SLC30A9: variants seen among roughly 807,000 people sequenced by gnomAD.
The protein encoded by SLC30A9 is proton-coupled zinc antiporter SLC30A9, mitochondrial.
A neutral mutation model predicts 87.5 loss-of-function variants in SLC30A9; 58 were observed. That is an observed-to-expected ratio of 0.66 (90% CI 0.54 to 0.82). The LOEUF (loss-of-function observed/expected upper bound fraction) is 0.82. SLC30A9 is among the 40% of genes least tolerant of loss of function. SLC30A9 has a pLI of 0.00. For missense variants in SLC30A9, 557 were observed against 679.1 expected (o/e 0.82, Z 2.00); for synonymous variants, 234 against 233.0 (o/e 1.00, Z -0.04).
In SLC30A9 at chr4:42,066,130, A is replaced by G. The variant is rs867049497; in HGVS notation, c.1073-420A>G. On this transcript the variant is annotated intron_variant, in intron 12 of 17. Coordinates refer to ENST00000264451, the MANE Select transcript of SLC30A9 (RefSeq NM_006345.4). ...TACTTCTGAAACATTGTAACTTTCTATGTATAATGTTCCCTTCATCTATTT... is the reference window on the plus strand; with the variant it reads ...TACTTCTGAAACATTGTAACTTTCTGTGTATAATGTTCCCTTCATCTATTT... Among the ~76,000 whole-genome samples, 71 of 152,280 alleles carry G rather than the reference A, an allele frequency of 4.7e-4. No individual in the cohort carries two copies. The Middle Eastern group carries it at 0.017, about 36-fold the overall frequency.
chr4:42,072,874 C>T (rs1345951469), intron 15 of SLC30A9, among the ~76,000 whole-genome samples: 1 of 148,334 alleles, frequency 6.7e-6, no homozygotes, highest in Non-Finnish European at 1.5e-5. Context: ...AGTGCAGTGG[C>T]ACGATCTTGG....
chr4:42,084,621 G>A (rs530759760), intron 17 of SLC30A9, among the ~76,000 whole-genome samples: 4 of 152,238 alleles, frequency 2.6e-5, no homozygotes, highest in South Asian at 2.1e-4. Context: ...ACAGGCATGC[G>A]CCACTATGCC....
intron 16 of SLC30A9, among the ~76,000 whole-genome samples, chr4:42,077,384 G>GA (rs1479803951): frequency 6.6e-6 from 1 of 152,074 alleles, no homozygotes; most frequent in Non-Finnish European, 1.5e-5. Context: ...TTATAGATTT[G>GA]AAAGGTCTTT....
At position 42,070,665 on chromosome 4, in the gene SLC30A9, A is replaced by C; in HGVS notation, c.1392A>C (p.Glu464Asp). 6.2e-7 allele frequency: 1 copy of C among 1,613,764 alleles called. No individual in the cohort carries two copies. The highest frequency in any genetic ancestry group is 8.5e-7 in the Non-Finnish European group (1 of 1,179,840). ...IQPEQVQRLTELLENDPSVRA... is the reference protein window; with the variant it reads ...IQPEQVQRLTDLLENDPSVRA... ...CAGAACAAGTACAACGGCTCACTGA[A>C]CTCCTGGAGAATGACCCATCAGTAA... Residue 464 changes from glutamate (E) to aspartate (D), a missense_variant, in exon 15 of 18, where the codon GAA (glutamate) becomes GAC (aspartate). This residue lies in a region of SLC30A9 where 90 missense variants were observed against 149.4 expected (regional missense o/e 0.60). Coordinates refer to ENST00000264451, the MANE Select transcript of SLC30A9 (RefSeq NM_006345.4).
intron 2 of SLC30A9, among the ~76,000 whole-genome samples, chr4:42,003,969 A>G (rs1382526647): frequency 6.6e-6 from 1 of 152,010 alleles, no homozygotes; most frequent in African/African-American, 2.4e-5. Context: ...TTTTCTGTCT[A>G]TTCTGCTCTT....
intron 10 of SLC30A9, among the ~76,000 whole-genome samples, chr4:42,061,085 A>G (rs1717833862): frequency 6.6e-6 from 1 of 152,186 alleles, no homozygotes; most frequent in Non-Finnish European, 1.5e-5. Context: ...TTTATGTACA[A>G]AAGATTTAAA....
At chr4:42,046,829 A>G (rs1451225511) in intron 8 of SLC30A9, among the ~76,000 whole-genome samples, 5 of 152,216 alleles carry the variant, frequency 3.3e-5, no homozygotes, top group African/African-American at 9.6e-5. Flanking sequence ...CCTGACTTCA[A>G]ACTATACTAC....
chr4:42,021,707 GAGGGATGAT>G (rs1245485315), intron 4 of SLC30A9, among the ~76,000 whole-genome samples: 3 of 151,928 alleles, frequency 2.0e-5, no homozygotes, highest in Admixed American at 2.0e-4. Context: ...TTCTTAAGTA[GAGGGATGAT>G]ATTCTAATCC....
chr4:41,990,986 GT>G (rs1714411176), intron 1 of SLC30A9, among the ~76,000 whole-genome samples: 1 of 152,246 alleles, frequency 6.6e-6, no homozygotes. Context: ...GCGGGAACTT[GT>G]GGGCACCTCG....
chr4:42,002,975 A>G (rs939277298), intron 2 of SLC30A9, among the ~76,000 whole-genome samples: 2 of 151,918 alleles, frequency 1.3e-5, no homozygotes, highest in Non-Finnish European at 2.9e-5. Context: ...TAGTTTATTA[A>G]CCCTTCCTTC....
chr4:42,078,443 C>A, intron 17 of SLC30A9, 118 bp downstream of exon 17: 1 of 602,894 alleles, frequency 1.7e-6, no homozygotes, highest in Non-Finnish European at 3.0e-6. Flanking sequence ...CTCATAACTC[C>A]ACAGTGTGTA....
At chr4:42,014,408 T>C (rs57459478) in intron 2 of SLC30A9, among the ~76,000 whole-genome samples, 1 of 152,046 alleles carries the variant, frequency 6.6e-6, no homozygotes, top group Non-Finnish European at 1.5e-5. Flanking sequence ...TACAAAAAAA[T>C]TAGCTGGGTG....
rs184686259 is a variant in SLC30A9 at position 42,014,759 on chromosome 4, C to T, written c.275-3352C>T. Among the ~76,000 whole-genome samples, 155 of 152,118 alleles carry T rather than the reference C, an allele frequency of 1.0e-3. 1 individual carries two copies. The highest frequency in any genetic ancestry group is 1.4e-3 in the Non-Finnish European group (92 of 68,006). ...TGAGATCCTGTCATTTGCAGCAATACGGATGGAACTGGAGGTTGTTACGTT... is the reference window on the plus strand; with the variant it reads ...TGAGATCCTGTCATTTGCAGCAATATGGATGGAACTGGAGGTTGTTACGTT... On this transcript the variant is annotated intron_variant, in intron 2 of 17. Coordinates refer to ENST00000264451, the MANE Select transcript of SLC30A9 (RefSeq NM_006345.4).
chr4:42,029,266 GAGA>G (rs943546105), intron 6 of SLC30A9: 77 of 469,474 alleles, frequency 1.6e-4, no homozygotes, highest in African/African-American at 9.8e-4. Context: ...CTGGAACTCA[GAGA>G]AGAAGGAGTT....
chr4:41,996,698 T>G (rs1202031054), intron 1 of SLC30A9, among the ~76,000 whole-genome samples: 1 of 152,014 alleles, frequency 6.6e-6, no homozygotes, highest in Admixed American at 6.6e-5. Flanking sequence ...GAACCATGAT[T>G]GCACCACTGC....
intron 6 of SLC30A9, among the ~76,000 whole-genome samples, chr4:42,033,406 A>T (rs1196244959): frequency 6.6e-6 from 1 of 151,964 alleles, no homozygotes; most frequent in Non-Finnish European, 1.5e-5. Flanking sequence ...TGGGAGGCTG[A>T]GGTGGGAGGA....
chr4:41,996,001 C>T (rs1022025903), intron 1 of SLC30A9, among the ~76,000 whole-genome samples: 1 of 152,182 alleles, frequency 6.6e-6, no homozygotes, highest in African/African-American at 2.4e-5. Context: ...TGAGCCACTG[C>T]GCCTGGCCCA....
chr4:42,070,512 T>C lies in SLC30A9; in HGVS notation c.1253-14T>C, dbSNP rs377003585. The C allele has an allele frequency of 2.5e-6, 4 of 1,599,108 alleles. No homozygotes were observed. Among genetic ancestry groups the C allele is most frequent in the Non-Finnish European group, 3.4e-6 (4 of 1,170,974 alleles). On this transcript the variant is annotated splice_polypyrimidine_tract_variant and intron_variant, in intron 14 of 17. Coordinates refer to ENST00000264451, the MANE Select transcript of SLC30A9 (RefSeq NM_006345.4). ...AACTGTTAATTTACTGATTTTTTTATGTGCTTCATTTAGGCAATCCACTGT... is the reference window on the plus strand; with the variant it reads ...AACTGTTAATTTACTGATTTTTTTACGTGCTTCATTTAGGCAATCCACTGT...
At chr4:42,008,595 C>G (rs1216002728) in intron 2 of SLC30A9, among the ~76,000 whole-genome samples, 1 of 152,142 alleles carries the variant, frequency 6.6e-6, no homozygotes, top group African/African-American at 2.4e-5. Context: ...GAGAGATCTT[C>G]TAGTACAAAA....
Sources: allele counts gnomAD v4.1 joint callset (sites outside exome capture counted in the v4.1 genomes callset), GRCh38; gene constraint gnomAD v4.1.1; regional missense constraint gnomAD v4.1.1; transcripts MANE v1.5; gene names NCBI Gene and HGNC (gene_info 2026-07-23, HGNC 2026-07-21).